CERS6: variants seen among roughly 807,000 people sequenced by gnomAD.
The protein encoded by CERS6 is LAG1 homolog, ceramide synthase 6.
Under a neutral mutation model 56.8 loss-of-function variants are expected in CERS6, and 26 were observed. The ratio of observed to expected loss-of-function variants is 0.46; its 90% confidence interval spans 0.34 to 0.63. CERS6 has a LOEUF of 0.63. Ranked by LOEUF, CERS6 falls within the 30% of genes least tolerant of loss-of-function variation. The pLI is 0.01. For missense variants in CERS6, 415 were observed against 467.5 expected (o/e 0.89, Z 1.04); for synonymous variants, 164 against 173.3 (o/e 0.95, Z 0.42).
intron 3 of CERS6, among the ~76,000 whole-genome samples, chr2:168,594,497 A>C (rs1286925953): frequency 6.6e-6 from 1 of 152,122 alleles, no homozygotes; most frequent in Admixed American, 6.6e-5. Flanking sequence ...AGGCAGGAGG[A>C]TTGGTTGAGC....
intron 4 of CERS6, chr2:168,644,066 G>A: frequency 1.0e-6 from 1 of 984,086 alleles, no homozygotes. Flanking sequence ...TCTGTGGAAA[G>A]GTCACATATT....
chr2:168,645,621 G>A (rs1685180097), intron 4 of CERS6, among the ~76,000 whole-genome samples: 1 of 151,918 alleles, frequency 6.6e-6, no homozygotes. Flanking sequence ...TTGTTGTATA[G>A]ATTATTTCAT....
intron 3 of CERS6, among the ~76,000 whole-genome samples, chr2:168,590,028 A>G (rs1683635635): frequency 6.6e-6 from 1 of 152,250 alleles, no homozygotes. Context: ...TCGTTAAACC[A>G]GTACAGTACC....
Position 168,456,741 on chromosome 2 carries a change from G to C in CERS6, c.170+123G>C, listed in dbSNP as rs1693669409. The C allele has an allele frequency of 3.3e-6, 3 of 908,158 alleles. No individual in the cohort carries two copies. Among genetic ancestry groups the C allele is most frequent in the Non-Finnish European group, 5.0e-6 (3 of 600,478 alleles). 56.3% of individuals were successfully genotyped at this position (908,158 alleles called of 1,614,324 possible). ...CTCGCGTTCACGCCTCCCAACCTTT[G>C]TGTTCGGGGAGGGGTTGCTGACCCC... On this transcript the variant is annotated intron_variant, in intron 1 of 9. Transcript: ENST00000305747. This position sits in a 1 kb window ranked among gnomAD's most constrained non-coding sequence, Gnocchi z 4.1.
At chr2:168,513,070 C>T (rs1454801579) in intron 1 of CERS6, among the ~76,000 whole-genome samples, 1 of 151,952 alleles carries the variant, frequency 6.6e-6, no homozygotes, top group African/African-American at 2.4e-5. Context: ...CCTTGGTTAC[C>T]CTGTATATTT....
rs539023611 is a variant in CERS6, at chr2:168,650,684, A to T, written c.465+19642A>T. Among the ~76,000 whole-genome samples, 485 of 130,906 alleles carry T rather than the reference A, an allele frequency of 3.7e-3. 1 individual carries two copies. Among genetic ancestry groups the T allele is most frequent in the Non-Finnish European group, 4.8e-3 (296 of 61,138 alleles). The allele number at this position is 130,906 out of a possible 152,430, so 85.9% of individuals were successfully genotyped here. On this transcript the variant is annotated intron_variant, in intron 4 of 9. Coordinates refer to ENST00000305747, the MANE Select transcript of CERS6 (RefSeq NM_203463.3). ...TGACTTCCGGTGAATTTTTTTTTTT[A>T]AATGAAATTTGCCAGAAGTCCACTA... is the stretch of plus-strand genomic sequence containing the variant.
chr2:168,465,789 C>T (rs955537592), intron 1 of CERS6, among the ~76,000 whole-genome samples: 1 of 152,016 alleles, frequency 6.6e-6, no homozygotes, highest in Non-Finnish European at 1.5e-5. Context: ...GTCTTGGTTG[C>T]ACAACAATGT....
chr2:168,509,055 G>A (rs926323822), intron 1 of CERS6, among the ~76,000 whole-genome samples: 8 of 151,990 alleles, frequency 5.3e-5, no homozygotes, highest in African/African-American at 1.9e-4. Context: ...CATAGTTTTT[G>A]TGTACTCATA....
chr2:168,736,311 A>C (rs1683716734), intron 8 of CERS6, among the ~76,000 whole-genome samples: 1 of 152,086 alleles, frequency 6.6e-6, no homozygotes, highest in Admixed American at 6.6e-5. Context: ...CACAATGAGG[A>C]CCTTATCAGA....
At chr2:168,753,832 A>T (rs762617092) in intron 8 of CERS6, among the ~76,000 whole-genome samples, 9 of 152,208 alleles carry the variant, frequency 5.9e-5, no homozygotes, top group Non-Finnish European at 1.0e-4. Context: ...TTCCATGCCA[A>T]ATCACATCCT....
At chr2:168,557,465 A>T (rs1695705284) in intron 2 of CERS6, among the ~76,000 whole-genome samples, 1 of 152,216 alleles carries the variant, frequency 6.6e-6, no homozygotes, top group African/African-American at 2.4e-5. Context: ...AAAAGTATAA[A>T]GATTTCTGAG....
intron 4 of CERS6, among the ~76,000 whole-genome samples, chr2:168,663,870 T>C (rs991057478): frequency 6.6e-6 from 1 of 152,180 alleles, no homozygotes; most frequent in Non-Finnish European, 1.5e-5. Flanking sequence ...TTTTGGTCTT[T>C]GGTAGAATTT....
chr2:168,586,053 G>A (rs958289073), intron 3 of CERS6, among the ~76,000 whole-genome samples: 30 of 151,902 alleles, frequency 2.0e-4, no homozygotes, highest in Middle Eastern at 3.4e-3. Flanking sequence ...GCATAATCAC[G>A]GCTCACTGCA....
intron 8 of CERS6, among the ~76,000 whole-genome samples, chr2:168,756,021 C>T (rs1684407334): frequency 1.3e-5 from 2 of 152,170 alleles, no homozygotes; most frequent in Non-Finnish European, 2.9e-5. Context: ...GACAGCATTC[C>T]CCACTTGGGC....
intron 3 of CERS6, among the ~76,000 whole-genome samples, chr2:168,597,436 C>T (rs1052602654): frequency 2.0e-5 from 3 of 152,140 alleles, no homozygotes; most frequent in South Asian, 2.1e-4. Context: ...ATGAATCTGT[C>T]GGATGACCAC....
At chr2:168,674,409 C>T (rs1686001579) in intron 4 of CERS6, among the ~76,000 whole-genome samples, 1 of 152,176 alleles carries the variant, frequency 6.6e-6, no homozygotes, top group Non-Finnish European at 1.5e-5. Flanking sequence ...CAAAAAGAGT[C>T]TTCCCACACT....
At chr2:168,482,534 T>G (rs1694195453) in intron 1 of CERS6, among the ~76,000 whole-genome samples, 1 of 152,270 alleles carries the variant, frequency 6.6e-6, no homozygotes, top group African/African-American at 2.4e-5. Context: ...CTTGCTTCTG[T>G]TCTGCTGTAG....
At chr2:168,661,913 G>A (rs1685638521) in intron 4 of CERS6, among the ~76,000 whole-genome samples, 1 of 152,204 alleles carries the variant, frequency 6.6e-6, no homozygotes, top group Admixed American at 6.5e-5. Context: ...GTATTGCTAA[G>A]AGTCAAAGGA....
intron 4 of CERS6, among the ~76,000 whole-genome samples, chr2:168,658,435 A>G (rs1685547033): frequency 6.6e-6 from 1 of 152,110 alleles, no homozygotes. Flanking sequence ...TATTCTCTTT[A>G]GATTGTAGGT....
Sources: allele counts gnomAD v4.1 joint callset (sites outside exome capture counted in the v4.1 genomes callset), GRCh38; gene constraint gnomAD v4.1.1; non-coding constraint Gnocchi (gnomAD v3.1); transcripts MANE v1.5; gene names NCBI Gene and HGNC (gene_info 2026-07-23, HGNC 2026-07-21).